RAB22A: variants seen among roughly 807,000 people sequenced by gnomAD.
The protein encoded by RAB22A is ras-related protein Rab-22A.
In RAB22A, 13 loss-of-function variants were observed where a neutral mutation model predicts 30.2. The observed-to-expected ratio is 0.43, with a 90% confidence interval of 0.28 to 0.68. The LOEUF (loss-of-function observed/expected upper bound fraction) is 0.68. Ranked by LOEUF, RAB22A falls within the 30% of genes least tolerant of loss-of-function variation. The pLI is 0.18. For missense variants in RAB22A, 177 were observed against 246.8 expected (o/e 0.72, Z 1.89); for synonymous variants, 89 against 87.2 (o/e 1.02, Z -0.11).
At chr20:58,350,557 C>T (rs1224784632) in intron 3 of RAB22A, among the ~76,000 whole-genome samples, 1 of 152,086 alleles carries the variant, frequency 6.6e-6, no homozygotes. Flanking sequence ...GTAAAAGACA[C>T]GTAAACAGGA....
chr20:58,336,895 C>T (rs1238436067), intron 2 of RAB22A, among the ~76,000 whole-genome samples: 1 of 152,086 alleles, frequency 6.6e-6, no homozygotes, highest in Non-Finnish European at 1.5e-5. Flanking sequence ...CCCCACCCTC[C>T]AAGTCTAACC....
chr20:58,343,995 A>G (rs1471714042), intron 3 of RAB22A, among the ~76,000 whole-genome samples, 196 bp downstream of exon 3: 1 of 152,178 alleles, frequency 6.6e-6, no homozygotes, highest in Non-Finnish European at 1.5e-5. Context: ...GGAGAAAGTG[A>G]TAATGGGCAC....
Position 58,360,498 on chromosome 20 carries a change from A to C in RAB22A, c.*795A>C, listed in dbSNP as rs901538799. The C allele has an allele frequency of 6.6e-6, 1 of 152,254 alleles. No individual in the cohort carries two copies. The highest frequency in any genetic ancestry group is 2.4e-5 in the African/African-American group (1 of 41,076). 9.4% of individuals were successfully genotyped at this position (152,254 alleles called of 1,614,324 possible). A position where few individuals can be genotyped will look rare whatever the true frequency, so the allele number is the denominator to read the frequency against. On this transcript the variant is annotated 3_prime_UTR_variant, in exon 7 of 7. Coordinates refer to ENST00000244040, the MANE Select transcript of RAB22A (RefSeq NM_020673.3). ...TAAAAAGGAAGAAGAGTGGAAGTGA[A>C]GAAGGTGGTATAAATGCTGTCAATT...
chr20:58,354,203 C>G lies in RAB22A; in HGVS notation c.425C>G (p.Ala142Gly), dbSNP rs780259854. The change falls in exon 6 of 7, where the codon GCA becomes GGA. Residue 142 changes from alanine to glycine, a missense_variant. Coordinates refer to ENST00000244040, the MANE Select transcript of RAB22A (RefSeq NM_020673.3). Reference sequence around the variant, plus strand: ...AAGGACTACGCCGACTCTATTCATGCAATTTTTGTAGAGACCAGCGCAAAA... The same window carrying G: ...AAGGACTACGCCGACTCTATTCATGGAATTTTTGTAGAGACCAGCGCAAAA... ...DAKDYADSIH[A>G]IFVETSAKNA... The G allele has an allele frequency of 7.4e-6, 12 of 1,613,658 alleles. No individual in the cohort carries two copies. The highest frequency in any genetic ancestry group is 6.8e-6 in the Non-Finnish European group (8 of 1,179,718).
intron 3 of RAB22A, among the ~76,000 whole-genome samples, 183 bp downstream of exon 3, chr20:58,343,982 G>A (rs1986902645): frequency 1.3e-5 from 2 of 152,128 alleles, no homozygotes; most frequent in Non-Finnish European, 1.5e-5. Flanking sequence ...AGAGTCCACC[G>A]ATGGAGAAAG....
intron 6 of RAB22A, among the ~76,000 whole-genome samples, chr20:58,355,660 A>C (rs1201902076): frequency 6.6e-6 from 1 of 152,110 alleles, no homozygotes; most frequent in Non-Finnish European, 1.5e-5. Flanking sequence ...TGTCTAAAAA[A>C]ATATAAAAAT....
At position 58,317,622 on chromosome 20, in the gene RAB22A, G is replaced by A. The variant is rs193229042; in HGVS notation, c.116+6500G>A. Among the ~76,000 whole-genome samples the A allele has an allele frequency of 4.5e-3, 635 of 139,984 alleles. 30 individuals carry two copies. In the East Asian group the frequency reaches 0.11, roughly 24 times the overall value. 91.8% of individuals were successfully genotyped at this position (139,984 alleles called of 152,430 possible). A position where few individuals can be genotyped will look rare whatever the true frequency, so the allele number is the denominator to read the frequency against. On this transcript the variant is annotated intron_variant, in intron 2 of 6. Transcript: ENST00000244040. ...CGCCCAGGCTGGAGTGCAGTGGCGC[G>A]ATCTCGGCTCACTGCAAGCTCCGCC...
At chr20:58,325,600 T>C (rs1051524059) in intron 2 of RAB22A, among the ~76,000 whole-genome samples, 1 of 152,286 alleles carries the variant, frequency 6.6e-6, no homozygotes, top group African/African-American at 2.4e-5. Context: ...ATCTTTGATC[T>C]AAATGCCTTT....
In RAB22A at chr20:58,309,760, G is replaced by C. The variant is rs1404680768; in HGVS notation, c.-217G>C. The C allele has an allele frequency of 6.7e-6, 2 of 297,820 alleles. No individual in the cohort carries two copies. The highest frequency in any genetic ancestry group is 1.2e-5 in the Non-Finnish European group (2 of 167,792). 18.4% of individuals were successfully genotyped at this position (297,820 alleles called of 1,614,324 possible). A position where few individuals can be genotyped will look rare whatever the true frequency, so the allele number is the denominator to read the frequency against. On this transcript the variant is annotated 5_prime_UTR_variant, in exon 1 of 7. Transcript: ENST00000244040. ...CAAGATGGCGGCGGCGGCGGCTCCC[G>C]GAAGGCCGCGGCGGCGTCCCGGCTG...
chr20:58,325,852 C>T (rs993130245), intron 2 of RAB22A, among the ~76,000 whole-genome samples: 7 of 152,104 alleles, frequency 4.6e-5, no homozygotes, highest in African/African-American at 1.7e-4. Context: ...GGAATTAGGT[C>T]GAGTTTACTA....
intron 2 of RAB22A, among the ~76,000 whole-genome samples, chr20:58,327,905 G>C (rs1310311744): frequency 1.3e-5 from 2 of 152,166 alleles, no homozygotes; most frequent in Non-Finnish European, 2.9e-5. Context: ...AAACTATAAA[G>C]AGTCATAACA....
At chr20:58,333,988 T>A (rs1986702786) in intron 2 of RAB22A, among the ~76,000 whole-genome samples, 1 of 151,690 alleles carries the variant, frequency 6.6e-6, no homozygotes, top group Admixed American at 6.6e-5. Context: ...AGCCCAGGAG[T>A]TCAAGGCTAC....
intron 3 of RAB22A, among the ~76,000 whole-genome samples, chr20:58,352,503 G>A (rs1367188265): frequency 3.3e-5 from 5 of 152,196 alleles, no homozygotes; most frequent in African/African-American, 1.2e-4. Flanking sequence ...CACATAGGAC[G>A]TGTGCCCAAG....
At chr20:58,359,430 A>C (rs535469201) in intron 6 of RAB22A, among the ~76,000 whole-genome samples, 176 bp from the exon 7 acceptor site, 7 of 152,056 alleles carry the variant, frequency 4.6e-5, no homozygotes, top group African/African-American at 1.7e-4. Flanking sequence ...GGTACACAGG[A>C]GCTCTATCAT....
chr20:58,357,182 T>A (rs79533415), intron 6 of RAB22A, among the ~76,000 whole-genome samples: 2,312 of 152,346 alleles, frequency 0.015, 25 homozygotes, highest in Non-Finnish European at 0.02. Context: ...TGGTGGGTAG[T>A]CAGTGATCTC....
intron 3 of RAB22A, among the ~76,000 whole-genome samples, chr20:58,349,438 A>T (rs933670490): frequency 2.6e-5 from 4 of 152,104 alleles, no homozygotes; most frequent in African/African-American, 9.7e-5. Context: ...ACAAGGAGGG[A>T]CCCCCTAAAA....
In RAB22A at chr20:58,366,815, T is replaced by G. The variant is rs1349159455; in HGVS notation, c.*7112T>G. On this transcript the variant is annotated 3_prime_UTR_variant, in exon 7 of 7. Transcript: ENST00000244040. ...GTAATAAGATAGTTAACATAAGTGGTCAGAACTTCGCTGAATTTGTAATAA... is the reference window on the plus strand; with the variant it reads ...GTAATAAGATAGTTAACATAAGTGGGCAGAACTTCGCTGAATTTGTAATAA... 1 of 152,380 alleles carries G rather than the reference T, an allele frequency of 6.6e-6. No individual in the cohort carries two copies. Among genetic ancestry groups the G allele is most frequent in the Non-Finnish European group, 1.5e-5 (1 of 68,040 alleles). 9.4% of individuals were successfully genotyped at this position (152,380 alleles called of 1,614,324 possible). A position where few individuals can be genotyped will look rare whatever the true frequency, so the allele number is the denominator to read the frequency against.
chr20:58,332,601 A>T (rs1048081305), intron 2 of RAB22A, among the ~76,000 whole-genome samples: 7 of 152,200 alleles, frequency 4.6e-5, no homozygotes, highest in Non-Finnish European at 1.0e-4. Context: ...AGATATTTTT[A>T]AAAGACATCC....
chr20:58,331,404 AT>A (rs779213173), intron 2 of RAB22A, among the ~76,000 whole-genome samples: 44 of 152,364 alleles, frequency 2.9e-4, no homozygotes, highest in South Asian at 2.1e-4. Flanking sequence ...GAGGAACCGT[AT>A]CTGAAATGAC....
Sources: gnomAD v4.1 joint callset for allele counts (sites outside exome capture counted in the v4.1 genomes callset) on GRCh38, gnomAD v4.1.1 for gene constraint, MANE v1.5 for transcripts, NCBI Gene and HGNC (gene_info 2026-07-23, HGNC 2026-07-21) for gene names.